DNAH7: variants seen among roughly 807,000 people sequenced by gnomAD.
DNAH7 encodes axonemal beta dynein heavy chain 7.
In DNAH7, 397 loss-of-function variants were observed where a neutral mutation model predicts 444.6. That is an observed-to-expected ratio of 0.89 (90% confidence interval 0.82 to 0.97). DNAH7 has a LOEUF of 0.97. Ranked by LOEUF, DNAH7 falls within the 50% of genes least tolerant of loss-of-function variation. The pLI, the probability that DNAH7 is intolerant of heterozygous loss-of-function variation, is 0.00. For missense variants in DNAH7, 4,902 were observed against 4,800.8 expected (o/e 1.02, Z -0.62); for synonymous variants, 1,636 against 1,624.4 (o/e 1.01, Z -0.17).
intron 19 of DNAH7, among the ~76,000 whole-genome samples, chr2:195,951,153 C>A (rs538023490): frequency 1.3e-5 from 2 of 152,174 alleles, no homozygotes; most frequent in East Asian, 1.9e-4. Flanking sequence ...TTGTTCTCAT[C>A]GGCTTCAAAG....
intron 19 of DNAH7, among the ~76,000 whole-genome samples, chr2:195,952,056 C>T (rs1436690812): frequency 6.6e-6 from 1 of 152,218 alleles, no homozygotes; most frequent in Non-Finnish European, 1.5e-5. Context: ...TATGTTTTTG[C>T]AGTGGCTGAT....
At chr2:195,942,196 G>A (rs954344645) in intron 19 of DNAH7, among the ~76,000 whole-genome samples, 2 of 152,078 alleles carry the variant, frequency 1.3e-5, no homozygotes, top group South Asian at 2.1e-4. Flanking sequence ...TAGGATGTTC[G>A]ATGTGAGCCT....
Position 196,019,256 on chromosome 2 carries a change from TA to T in DNAH7, c.782del (p.Leu261Ter). The T allele has an allele frequency of 8.0e-6, 12 of 1,507,274 alleles. No homozygotes were observed. Among genetic ancestry groups the T allele is most frequent in the Admixed American group, 3.5e-5 (2 of 56,384 alleles). The allele number at this position is 1,507,274 out of a possible 1,614,324, so 93.4% of individuals were successfully genotyped here. ...ILPKPWRKSF[L>X]AASSYIRDHL... Reference sequence around the variant, plus strand: ...GATCCCTAATATAACTGCTTGCAGCTAAAAAAGATTTCCTCCAAGGTTTTGG... The same window carrying T: ...GATCCCTAATATAACTGCTTGCAGCTAAAAAGATTTCCTCCAAGGTTTTGG... On this transcript the variant is annotated frameshift_variant, in exon 9 of 65. Coordinates refer to ENST00000312428, the MANE Select transcript of DNAH7 (RefSeq NM_018897.3). LOFTEE classifies it high-confidence loss of function.
chr2:195,906,257 G>A (rs1687008893), intron 27 of DNAH7, among the ~76,000 whole-genome samples: 1 of 151,512 alleles, frequency 6.6e-6, no homozygotes, highest in African/African-American at 2.4e-5. Flanking sequence ...AAATATTTTG[G>A]GAATTGTTCC....
intron 24 of DNAH7, among the ~76,000 whole-genome samples, chr2:195,915,930 T>C (rs1018583351): frequency 1.3e-5 from 2 of 152,204 alleles, no homozygotes; most frequent in African/African-American, 4.8e-5. Flanking sequence ...AAACTAATAG[T>C]TTATTTTCCA....
intron 64 of DNAH7, 45 bp downstream of exon 64, chr2:195,740,721 T>C (rs757836364): frequency 2.5e-6 from 2 of 814,328 alleles, no homozygotes; most frequent in Non-Finnish European, 3.4e-6. Context: ...ATATAAAATA[T>C]GTATAAAATA....
chr2:195,790,189 A>G (rs1028691346), intron 57 of DNAH7, among the ~76,000 whole-genome samples: 2 of 152,132 alleles, frequency 1.3e-5, no homozygotes, highest in East Asian at 3.8e-4. Flanking sequence ...ACCTAAACAA[A>G]TGGAAAAACA....
chr2:195,931,556 G>A (rs1405679826), intron 21 of DNAH7, among the ~76,000 whole-genome samples: 5 of 151,666 alleles, frequency 3.3e-5, no homozygotes, highest in Non-Finnish European at 7.4e-5. Context: ...ATGGTTTTAG[G>A]TCTAACATTT....
At chr2:195,920,058 T>C (rs975361325) in intron 24 of DNAH7, among the ~76,000 whole-genome samples, 18 of 152,110 alleles carry the variant, frequency 1.2e-4, no homozygotes, top group African/African-American at 4.3e-4. Flanking sequence ...AATCACTACA[T>C]GAAAACAGAA....
chr2:195,934,633 C>T lies in DNAH7; in HGVS notation c.3429G>A (p.Trp1143Ter), dbSNP rs769464838. ...TAKARGQVEK[W>*]LVELERVMIN... ...TCATAACTCTCTCTAATTCAACCAA[C>T]CACTTCTCCACTTGACCTCTGGCTT... The change falls in exon 21 of 65, where the codon TGG (tryptophan) becomes TGA (stop). Residue 1143 changes from tryptophan to a stop codon, truncating the protein, a stop_gained. Coordinates refer to ENST00000312428, the MANE Select transcript of DNAH7 (RefSeq NM_018897.3). LOFTEE classifies it high-confidence loss of function. 13 of 1,613,976 alleles carry T rather than the reference C, an allele frequency of 8.1e-6. No individual in the cohort carries two copies. The Admixed American group carries it at 1.2e-4, about 14-fold the overall frequency.
At chr2:196,049,969 C>T (rs1697365726) in intron 3 of DNAH7, among the ~76,000 whole-genome samples, 1 of 152,166 alleles carries the variant, frequency 6.6e-6, no homozygotes, top group Non-Finnish European at 1.5e-5. Context: ...CTCGATTCTG[C>T]AGGCATTTTA....
At chr2:195,767,970 T>A (rs1173139204) in intron 61 of DNAH7, among the ~76,000 whole-genome samples, 1 of 151,736 alleles carries the variant, frequency 6.6e-6, no homozygotes, top group Admixed American at 6.6e-5. Context: ...ATTGAAAAAA[T>A]TGAAGTATTT....
intron 36 of DNAH7, among the ~76,000 whole-genome samples, chr2:195,879,651 T>C (rs1012922244): frequency 2.0e-5 from 3 of 152,164 alleles, no homozygotes; most frequent in Non-Finnish European, 4.4e-5. Context: ...CATTTAACAC[T>C]CAAAATTAAG....
At chr2:196,029,274 G>C (rs1695885831) in intron 5 of DNAH7, among the ~76,000 whole-genome samples, 1 of 151,906 alleles carries the variant, frequency 6.6e-6, no homozygotes, top group Admixed American at 6.6e-5. Flanking sequence ...TTGTTTGTTT[G>C]TTTTATGGCA....
chr2:195,871,701 G>GAAACTGGTTCAAAGTGACACCTACTTTGA (rs1700702525), intron 40 of DNAH7, among the ~76,000 whole-genome samples: 2 of 131,022 alleles, frequency 1.5e-5, no homozygotes, highest in African/African-American at 8.0e-5. Flanking sequence ...CTACTTAAGG[G>GAAACTGGTTCAAAGTGACACCTACTTTGA]AAGGCGGATC....
chr2:195,856,619 T>C (rs145392997), intron 44 of DNAH7, among the ~76,000 whole-genome samples: 1 of 152,306 alleles, frequency 6.6e-6, no homozygotes, highest in African/African-American at 2.4e-5. Context: ...CAGTTGTTTT[T>C]TGAAAAAATA....
At chr2:196,041,595 T>G (rs142287726) in intron 5 of DNAH7, among the ~76,000 whole-genome samples, 20 of 151,978 alleles carry the variant, frequency 1.3e-4, no homozygotes, top group Non-Finnish European at 2.8e-4. Flanking sequence ...GACCTGAAAC[T>G]ATGAAAGTAC....
chr2:195,860,717 TA>T (rs1699967934), intron 42 of DNAH7, among the ~76,000 whole-genome samples: 1 of 152,128 alleles, frequency 6.6e-6, no homozygotes, highest in African/African-American at 2.4e-5. Context: ...GAAATATATA[TA>T]AAAATCAAAC....
chr2:195,995,256 C>T lies in DNAH7; in HGVS notation c.1353+5448G>A, dbSNP rs1157883697. 6.9e-6 allele frequency: 3 copies of T among 434,120 alleles called. No individual in the cohort carries two copies. In the Admixed American group the frequency reaches 7.6e-5, roughly 11 times the overall value. 26.9% of individuals were successfully genotyped at this position (434,120 alleles called of 1,614,324 possible). A position where few individuals can be genotyped will look rare whatever the true frequency, so the allele number is the denominator to read the frequency against. ...TTTAGACTTCTTAATGAGGGAGATG[C>T]TTTGAATGTTGGTGATATCATAAGT... On this transcript the variant is annotated intron_variant, in intron 12 of 64. Coordinates refer to ENST00000312428, the MANE Select transcript of DNAH7 (RefSeq NM_018897.3).
Sources: allele counts gnomAD v4.1 joint callset (sites outside exome capture counted in the v4.1 genomes callset), GRCh38; gene constraint gnomAD v4.1.1; transcripts MANE v1.5; gene names NCBI Gene and HGNC (gene_info 2026-07-23, HGNC 2026-07-21).